The following ECM2 variants were observed in gnomAD, a reference collection of about 807,000 sequenced individuals.
The protein encoded by ECM2 is extracellular matrix protein 2.
Under a neutral mutation model 67.5 loss-of-function variants are expected in ECM2, and 57 were observed. That is an observed-to-expected ratio of 0.84 (90% confidence interval 0.68 to 1.05). The LOEUF (loss-of-function observed/expected upper bound fraction) is 1.05. Ranked by LOEUF, ECM2 falls within the 50% of genes least tolerant of loss-of-function variation. ECM2 has a pLI of 0.00. For missense variants in ECM2, 741 were observed against 822.8 expected (o/e 0.90, Z 1.22); for synonymous variants, 258 against 294.5 (o/e 0.88, Z 1.27).
At chr9:92,551,144 C>T in the ECM2 span, among the ~76,000 whole-genome samples, 11 of 152,200 alleles carry the variant, frequency 7.2e-5, 1 homozygote, top group South Asian at 8.3e-4. Context: ...AGTGGCCAAG[C>T]GGAGCCCATG....
At chr9:92,549,859 C>T in the ECM2 span, among the ~76,000 whole-genome samples, 1 of 152,132 alleles carries the variant, frequency 6.6e-6, no homozygotes, top group Non-Finnish European at 1.5e-5. Context: ...AAAGTTTGTT[C>T]AGGAGCCAGG....
chr9:92,517,514 C>A (rs1588215765), intron 3 of ECM2, 173 bp downstream of exon 3: 8 of 823,528 alleles, frequency 9.7e-6, no homozygotes, highest in African/African-American at 3.5e-5. Context: ...TTATTTATAT[C>A]CCCTACCATA....
chr9:92,532,044 T>TTTTTTTTTTTTTTTGTTG (rs1848828968), intron 1 of ECM2, among the ~76,000 whole-genome samples: 1 of 145,434 alleles, frequency 6.9e-6, no homozygotes, highest in African/African-American at 2.6e-5. Flanking sequence ...ATTTTTTTTT[T>TTTTTTTTTTTTTTTGTTG]GAGATGAGGT....
chr9:92,534,812 G>T (rs1411182829), intron 1 of ECM2, among the ~76,000 whole-genome samples: 1 of 152,150 alleles, frequency 6.6e-6, no homozygotes, highest in Non-Finnish European at 1.5e-5. Context: ...TATCATAAGT[G>T]CTCTGCAATG....
intron 6 of ECM2, among the ~76,000 whole-genome samples, chr9:92,507,688 C>T (rs1222580174): frequency 2.6e-5 from 4 of 152,180 alleles, no homozygotes; most frequent in Non-Finnish European, 5.9e-5. Context: ...GCCTCCAGGG[C>T]TCCTGATTTA....
At chr9:92,494,237 C>A (rs331380), downstream of ECM2, 3 of 1,358,346 alleles carry the variant, frequency 2.2e-6, no homozygotes, top group Non-Finnish European at 3.0e-6. Flanking sequence ...TGCTGACTCA[C>A]CTTATTCAGT....
the ECM2 span, among the ~76,000 whole-genome samples, chr9:92,550,315 G>C: frequency 6.6e-6 from 1 of 151,758 alleles, no homozygotes; most frequent in Admixed American, 6.6e-5. Flanking sequence ...AGAGTCACTT[G>C]AACCCAGGAG....
the ECM2 span, among the ~76,000 whole-genome samples, chr9:92,541,771 C>A: frequency 2.0e-5 from 3 of 151,788 alleles, no homozygotes; most frequent in African/African-American, 7.3e-5. Flanking sequence ...GTTCAGTTGT[C>A]CCTGCAACAT....
At chr9:92,547,666 A>C in the ECM2 span, among the ~76,000 whole-genome samples, 1 of 152,252 alleles carries the variant, frequency 6.6e-6, no homozygotes, top group Non-Finnish European at 1.5e-5. Context: ...GGGTAAGAAG[A>C]TAGGGAATGA....
chr9:92,551,938 TATA>T, the ECM2 span, among the ~76,000 whole-genome samples: 6 of 86,634 alleles, frequency 6.9e-5, no homozygotes, highest in African/African-American at 5.2e-4. Flanking sequence ...TATATATATA[TATA>T]TATATATATA....
At chr9:92,550,061 C>T in the ECM2 span, among the ~76,000 whole-genome samples, 2 of 152,146 alleles carry the variant, frequency 1.3e-5, no homozygotes, top group South Asian at 2.1e-4. Context: ...TGATGGATTC[C>T]CCTGCATTCA....
upstream of ECM2, among the ~76,000 whole-genome samples, chr9:92,536,353 T>C (rs1365564587): frequency 6.6e-6 from 1 of 152,170 alleles, no homozygotes; most frequent in Non-Finnish European, 1.5e-5. Flanking sequence ...ATGATGTCAC[T>C]TGAGCTTTAT....
At chr9:92,502,804 CTTTTTTTT>C in intron 7 of ECM2, 152 bp from the exon 8 acceptor site, 23 of 296,364 alleles carry the variant, frequency 7.8e-5, no homozygotes, top group African/African-American at 1.3e-4. Flanking sequence ...TTTAAGTTGT[CTTTTTTTT>C]TTTTTTTTTT....
At chr9:92,515,334 C>A in intron 3 of ECM2, 131 bp from the exon 4 acceptor site, 1 of 1,217,820 alleles carries the variant, frequency 8.2e-7, no homozygotes, top group South Asian at 3.2e-5. Context: ...AGATGAAATG[C>A]ACCTTGAAAT....
rs550898203 is a variant in ECM2 at position 92,502,464 on chromosome 9, C to T, written c.1604+49G>A. The T allele has an allele frequency of 2.5e-4, 392 of 1,591,028 alleles. 8 individuals carry two copies. The South Asian group carries it at 3.7e-3, about 15-fold the overall frequency. ...GTTTCCATACTCTGTTTAATAATAGCGAGAGGAAGAAATAGTTCAATAAAA... is the reference window on the plus strand; with the variant it reads ...GTTTCCATACTCTGTTTAATAATAGTGAGAGGAAGAAATAGTTCAATAAAA... On this transcript the variant is annotated intron_variant, in intron 8 of 9. Coordinates refer to ENST00000344604, the MANE Select transcript of ECM2 (RefSeq NM_001393.4).
At position 92,514,859 on chromosome 9, in the gene ECM2, C is replaced by T; in HGVS notation, c.826G>A (p.Glu276Lys). 4 of 1,612,998 alleles carry T rather than the reference C, an allele frequency of 2.5e-6. No individual in the cohort carries two copies. Among genetic ancestry groups the T allele is most frequent in the Non-Finnish European group, 3.4e-6 (4 of 1,179,412 alleles). ...RQGREEEEDE[E>K]EEGEEGEEDE... ...TCCTCACCCTCCTCACCCTCCTCCTCCTCATCCTCCTCCTCCTCCCTTCCT... is the reference window on the plus strand; with the variant it reads ...TCCTCACCCTCCTCACCCTCCTCCTTCTCATCCTCCTCCTCCTCCCTTCCT... The change falls in exon 4 of 10, where the codon GAG becomes AAG. Residue 276 changes from glutamate (E) to lysine (K), a missense_variant. By Grantham distance (56) the Glu-to-Lys change is moderately conservative. Coordinates refer to ENST00000344604, the MANE Select transcript of ECM2 (RefSeq NM_001393.4).
At chr9:92,508,910 T>C (rs1847169855) in intron 6 of ECM2, among the ~76,000 whole-genome samples, 1 of 152,014 alleles carries the variant, frequency 6.6e-6, no homozygotes, top group African/African-American at 2.4e-5. Context: ...TGTTGAGCAC[T>C]GTACCTCAAG....
chr9:92,541,075 C>T (rs1358661382), upstream of ECM2, among the ~76,000 whole-genome samples: 1 of 151,908 alleles, frequency 6.6e-6, no homozygotes, highest in African/African-American at 2.4e-5. Flanking sequence ...GCCTGGCCAA[C>T]ATGGTGAAAC....
intron 7 of ECM2, among the ~76,000 whole-genome samples, chr9:92,503,758 A>G (rs963199596): frequency 5.9e-5 from 9 of 152,186 alleles, no homozygotes; most frequent in Non-Finnish European, 1.2e-4. Flanking sequence ...TAGTAAAACA[A>G]TTTTCAACTT....
Sources: gnomAD v4.1 joint callset for allele counts (sites outside exome capture counted in the v4.1 genomes callset) on GRCh38, gnomAD v4.1.1 for gene constraint, MANE v1.5 for transcripts, NCBI Gene and HGNC (gene_info 2026-07-23, HGNC 2026-07-21) for gene names.